The following DAZAP1 variants were observed in gnomAD, a reference collection of about 807,000 sequenced individuals.
DAZAP1 encodes DAZ associated protein 1.
DAZAP1 carries 6 observed loss-of-function variants against 60.1 expected under a neutral mutation model. The ratio of observed to expected loss-of-function variants is 0.10; its 90% CI spans 0.05 to 0.20. The LOEUF (loss-of-function observed/expected upper bound fraction) is 0.20. Ranked by LOEUF, DAZAP1 falls within the 10% of genes least tolerant of loss-of-function variation. The probability of loss-of-function intolerance (pLI) is 1.00; values close to 1 mark genes in which losing one functional copy is unlikely to be tolerated. For missense variants in DAZAP1, 366 were observed against 560.4 expected, an observed-to-expected ratio of 0.65 and a Z score of 3.50; for synonymous variants, 235 against 215.9, an observed-to-expected ratio of 1.09 and a Z score of -0.78.
At chr19:1,409,000 G>C (rs1600172874) in intron 1 of DAZAP1, among the ~76,000 whole-genome samples, 1 of 152,240 alleles carries the variant, frequency 6.6e-6, no homozygotes, top group Non-Finnish European at 1.5e-5. Flanking sequence ...GGTTGCCTTG[G>C]CAGGCGCCTC....
chr19:1,408,769 G>A (rs1171966125), intron 1 of DAZAP1, among the ~76,000 whole-genome samples: 1 of 152,244 alleles, frequency 6.6e-6, no homozygotes, highest in African/African-American at 2.4e-5. Flanking sequence ...CCGCGGGGCC[G>A]GGAAACCTCA....
At position 1,426,032 on chromosome 19, in the gene DAZAP1, A is replaced by G. The variant is rs2083296066; in HGVS notation, c.546+72A>G. 9.1e-7 allele frequency: 1 copy of G among 1,099,044 alleles called. No homozygotes were observed. The highest frequency in any genetic ancestry group is 1.4e-6 in the Non-Finnish European group (1 of 710,538). 68.1% of individuals were successfully genotyped at this position (1,099,044 alleles called of 1,614,324 possible). A position where few individuals can be genotyped will look rare whatever the true frequency, so the allele number is the denominator to read the frequency against. On this transcript the variant is annotated intron_variant, in intron 7 of 11. Transcript: ENST00000233078. This position sits in a 1 kb window ranked among gnomAD's most constrained non-coding sequence, Gnocchi z 5.4. ...AGGCAACTTAGGGGTTTCACTGGAA[A>G]GGAACATTCCTTCACGGAAAGGGTC...
Position 1,432,255 on chromosome 19 carries a change from C to T in DAZAP1, c.872-259C>T. 1 of 538,022 alleles carries T rather than the reference C, an allele frequency of 1.9e-6. No homozygotes were observed. Among genetic ancestry groups the T allele is most frequent in the Non-Finnish European group, 3.3e-6 (1 of 303,366 alleles). 33.3% of individuals were successfully genotyped at this position (538,022 alleles called of 1,614,324 possible). A position where few individuals can be genotyped will look rare whatever the true frequency, so the allele number is the denominator to read the frequency against. ...TTCTTGTCTGAGGCCCACCTGGCGG[C>T]TGCTCCGTGAGGAACGAGGTGGCCC... On this transcript the variant is annotated intron_variant, in intron 10 of 11. Coordinates refer to ENST00000233078, the MANE Select transcript of DAZAP1 (RefSeq NM_018959.4). This position sits in a 1 kb window ranked among gnomAD's most constrained non-coding sequence, Gnocchi z 4.9.
At position 1,428,757 on chromosome 19, in the gene DAZAP1, T is replaced by A; in HGVS notation, c.547-85T>A. On this transcript the variant is annotated intron_variant, in intron 7 of 11. Transcript: ENST00000233078. This position sits in a 1 kb window ranked among gnomAD's most constrained non-coding sequence, Gnocchi z 4.0. ...TTAAGTTGTAAGATGCTAAGTGTAG[T>A]CATAAGTTACCCGAGGGTGTGTCTA... 6.6e-7 allele frequency: 1 copy of A among 1,519,216 alleles called. No individual in the cohort carries two copies. The highest frequency in any genetic ancestry group is 9.0e-7 in the Non-Finnish European group (1 of 1,110,868). The allele number at this position is 1,519,216 out of a possible 1,614,324, so 94.1% of individuals were successfully genotyped here.
chr19:1,422,334 C>T lies in DAZAP1; in HGVS notation c.415-14C>T, dbSNP rs753877612. ...GGCCCTGGTGTCCGTGCTGACGCCA[C>T]CCTCTCCTTCCAGGTCACGGAGGTA... On this transcript the variant is annotated splice_polypyrimidine_tract_variant and intron_variant, in intron 5 of 11. Coordinates refer to ENST00000233078, the MANE Select transcript of DAZAP1 (RefSeq NM_018959.4). The surrounding 1 kb of genome is among the most constrained non-coding windows in gnomAD (Gnocchi z 4.5). 9.9e-6 allele frequency: 16 copies of T among 1,613,768 alleles called. No individual in the cohort carries two copies. Among genetic ancestry groups the T allele is most frequent in the Non-Finnish European group, 1.2e-5 (14 of 1,179,838 alleles).
At position 1,432,257 on chromosome 19, in the gene DAZAP1, G is replaced by C; in HGVS notation, c.872-257G>C. The C allele has an allele frequency of 7.4e-6, 4 of 542,926 alleles. No homozygotes were observed. The highest frequency in any genetic ancestry group is 1.3e-5 in the Non-Finnish European group (4 of 306,128). 33.6% of individuals were successfully genotyped at this position (542,926 alleles called of 1,614,324 possible). On this transcript the variant is annotated intron_variant, in intron 10 of 11. Transcript: ENST00000233078. This position sits in a 1 kb window ranked among gnomAD's most constrained non-coding sequence, Gnocchi z 4.9. ...CTTGTCTGAGGCCCACCTGGCGGCT[G>C]CTCCGTGAGGAACGAGGTGGCCCTG...
At position 1,407,784 on chromosome 19, in the gene DAZAP1, C is replaced by T; in HGVS notation, c.11C>T (p.Ser4Leu). 9.2e-7 allele frequency: 1 copy of T among 1,081,994 alleles called. No homozygotes were observed. The highest frequency in any genetic ancestry group is 1.1e-6 in the Non-Finnish European group (1 of 892,216). The allele number at this position is 1,081,994 out of a possible 1,614,324, so 67.0% of individuals were successfully genotyped here. ...GCCGCCGCCGCCGCCATGAACAACT[C>T]GGGCGCCGACGAGATCGGGTGAGGA... The part of the protein sequence containing the change: MNN[S>L]GADEIGKLFV... The change falls in exon 1 of 12, where the codon TCG becomes TTG. Residue 4 changes from serine (S) to leucine (L), a missense_variant. By Grantham distance (145) the Ser-to-Leu change is moderately radical. This residue lies in a region of DAZAP1 where 98 missense variants were observed against 155.3 expected (regional missense o/e 0.63). Coordinates refer to ENST00000233078, the MANE Select transcript of DAZAP1 (RefSeq NM_018959.4).
At chr19:1,424,007 G>A (rs1057404339) in intron 6 of DAZAP1, among the ~76,000 whole-genome samples, 5 of 152,194 alleles carry the variant, frequency 3.3e-5, no homozygotes, top group African/African-American at 9.7e-5. Flanking sequence ...GCTGCTTAGC[G>A]GGTCCTCCCA....
chr19:1,433,281 C>T lies in DAZAP1; in HGVS notation c.1048+591C>T, dbSNP rs1253845742. 2.5e-5 allele frequency: 5 copies of T among 203,472 alleles called. No individual in the cohort carries two copies. Among genetic ancestry groups the T allele is most frequent in the Non-Finnish European group, 4.1e-5 (4 of 98,500 alleles). The allele number at this position is 203,472 out of a possible 1,614,324, so 12.6% of individuals were successfully genotyped here. A position where few individuals can be genotyped will look rare whatever the true frequency, so the allele number is the denominator to read the frequency against. On this transcript the variant is annotated intron_variant, in intron 11 of 11. Coordinates refer to ENST00000233078, the MANE Select transcript of DAZAP1 (RefSeq NM_018959.4). The surrounding 1 kb of genome is among the most constrained non-coding windows in gnomAD (Gnocchi z 6.1). ...TCAAGGTCTGCATGTCAGTAGTTCT[C>T]GCCCTGCACTGAGCCAGGAGTCACA...
In DAZAP1 at chr19:1,417,434, C is replaced by A; in HGVS notation, c.30-66C>A. 3 of 1,543,130 alleles carry A rather than the reference C, an allele frequency of 1.9e-6. No homozygotes were observed. In the East Asian group the frequency reaches 7.1e-5, roughly 37 times the overall value. On this transcript the variant is annotated intron_variant, in intron 1 of 11. Transcript: ENST00000233078. ...GGTTTGAATTAAGACCTCAGCTTGGCTTGGATGGGGGCATTTCTAAGGCGA... is the reference window on the plus strand; with the variant it reads ...GGTTTGAATTAAGACCTCAGCTTGGATTGGATGGGGGCATTTCTAAGGCGA...
chr19:1,417,423 C>T (rs1402962775), intron 1 of DAZAP1, 77 bp from the exon 2 acceptor site: 13 of 1,503,082 alleles, frequency 8.6e-6, no homozygotes, highest in Non-Finnish European at 1.1e-5. Context: ...TGAATTAAGA[C>T]CTCAGCTTGG....
intron 9 of DAZAP1, 68 bp from the exon 10 acceptor site, chr19:1,430,154 G>C (rs1180184147): frequency 6.5e-7 from 1 of 1,531,068 alleles, no homozygotes; most frequent in Non-Finnish European, 8.9e-7. Flanking sequence ...GGCAGGCCTG[G>C]GTCTAACTGT....
At position 1,418,672 on chromosome 19, in the gene DAZAP1, C is replaced by G; in HGVS notation, c.244C>G (p.Pro82Ala). ...PHTLDGRNID[P>A]KPCTPRGMQP... ...GATTTGAAATTTCCTGCAGATCGAC[C>G]CCAAGCCATGCACACCCCGGGGGAT... Residue 82 changes from proline (P) to alanine (A), a missense_variant, in exon 4 of 12, where the codon CCC (proline) becomes GCC (alanine). Coordinates refer to ENST00000233078, the MANE Select transcript of DAZAP1 (RefSeq NM_018959.4). This position sits in a 1 kb window ranked among gnomAD's most constrained non-coding sequence, Gnocchi z 5.7. 1 of 1,614,004 alleles carries G rather than the reference C, an allele frequency of 6.2e-7. No homozygotes were observed. Among genetic ancestry groups the G allele is most frequent in the African/African-American group, 1.3e-5 (1 of 74,996 alleles).
rs567594650 is a variant in DAZAP1 at position 1,423,833 on chromosome 19, G to A, written c.463+1437G>A. On this transcript the variant is annotated intron_variant, in intron 6 of 11. Coordinates refer to ENST00000233078, the MANE Select transcript of DAZAP1 (RefSeq NM_018959.4). This position sits in a 1 kb window ranked among gnomAD's most constrained non-coding sequence, Gnocchi z 6.8. ...CAGAGCTGGCGCCCCTTCTCCTCGC[G>A]TCCTGTCCTGTCCCGTGTGGACGGG... Among the ~76,000 whole-genome samples, 13 of 152,250 alleles carry A rather than the reference G, an allele frequency of 8.5e-5. No homozygotes were observed. Among genetic ancestry groups the A allele is most frequent in the Admixed American group, 2.6e-4 (4 of 15,304 alleles).
chr19:1,424,305 C>CCCTCCTCCTCTT (rs1357558439), intron 6 of DAZAP1, among the ~76,000 whole-genome samples: 5 of 148,490 alleles, frequency 3.4e-5, no homozygotes, highest in East Asian at 2.1e-4. Flanking sequence ...CCTTCCTGGT[C>CCCTCCTCCTCTT]CCTCCTCCTC....
intron 1 of DAZAP1, among the ~76,000 whole-genome samples, chr19:1,415,389 G>GTGTGTGTGTTTT (rs751334899): frequency 7.8e-6 from 1 of 127,580 alleles, no homozygotes; most frequent in African/African-American, 3.0e-5. Flanking sequence ...GTGTGTGTGT[G>GTGTGTGTGTTTT]TTTTGTTTTT....
Position 1,428,999 on chromosome 19 carries a change from A to G in DAZAP1, c.700+4A>G. On this transcript the variant is annotated splice_donor_region_variant and intron_variant, in intron 8 of 11. Transcript: ENST00000233078. This position sits in a 1 kb window ranked among gnomAD's most constrained non-coding sequence, Gnocchi z 4.0. Reference sequence around the variant, plus strand: ...CAGCAAGGATATGGCCCGCAAGGTAAGGCTGATGCAGAGGTGCCCACGGGA... The same window carrying G: ...CAGCAAGGATATGGCCCGCAAGGTAGGGCTGATGCAGAGGTGCCCACGGGA... The G allele has an allele frequency of 6.3e-7, 1 of 1,580,394 alleles. No individual in the cohort carries two copies. The highest frequency in any genetic ancestry group is 8.6e-7 in the Non-Finnish European group (1 of 1,163,620).
At position 1,432,390 on chromosome 19, in the gene DAZAP1, C is replaced by T. The variant is rs2083474644; in HGVS notation, c.872-124C>T. On this transcript the variant is annotated intron_variant, in intron 10 of 11. Coordinates refer to ENST00000233078, the MANE Select transcript of DAZAP1 (RefSeq NM_018959.4). This position sits in a 1 kb window ranked among gnomAD's most constrained non-coding sequence, Gnocchi z 4.9. ...TCTGTGGATGTCCACAAGGCCTGGG[C>T]GTTCTGTGGGTTTGGGTGGCAGTCC... is the stretch of plus-strand genomic sequence containing the variant. 9.2e-6 allele frequency: 9 copies of T among 977,932 alleles called. No homozygotes were observed. The highest frequency in any genetic ancestry group is 6.9e-5 in the South Asian group (5 of 72,028). 60.6% of individuals were successfully genotyped at this position (977,932 alleles called of 1,614,324 possible). A position where few individuals can be genotyped will look rare whatever the true frequency, so the allele number is the denominator to read the frequency against.
At chr19:1,411,690 C>G (rs1412197905) in intron 1 of DAZAP1, among the ~76,000 whole-genome samples, 1 of 152,226 alleles carries the variant, frequency 6.6e-6, no homozygotes, top group Non-Finnish European at 1.5e-5. Flanking sequence ...GTAGCCTTGG[C>G]TCTAACCCTT....
Sources: allele counts gnomAD v4.1 joint callset (sites outside exome capture counted in the v4.1 genomes callset), GRCh38; gene constraint gnomAD v4.1.1; regional missense constraint gnomAD v4.1.1; non-coding constraint Gnocchi (gnomAD v3.1); transcripts MANE v1.5; gene names NCBI Gene and HGNC (gene_info 2026-07-23, HGNC 2026-07-21).